Variants in FREM3 observed in about 807,000 individuals in gnomAD.
FREM3 encodes the protein FRAS1-related extracellular matrix protein 3.
In FREM3, 105 loss-of-function variants were observed where a neutral mutation model predicts 129.1. The observed-to-expected ratio is 0.81, with a 90% CI of 0.69 to 0.96. The LOEUF (loss-of-function observed/expected upper bound fraction) is 0.96. Among genes scored for constraint, FREM3 ranks in the 40% least tolerant of loss-of-function variants. The pLI is 0.00. For missense variants in FREM3, 2,593 were observed against 2,666.3 expected (o/e 0.97, Z 0.61); for synonymous variants, 1,014 against 1,044.9 (o/e 0.97, Z 0.57).
intron 6 of FREM3, among the ~76,000 whole-genome samples, chr4:143,589,436 T>C (rs1465304228): frequency 6.6e-6 from 1 of 152,162 alleles, no homozygotes; most frequent in Non-Finnish European, 1.5e-5. Flanking sequence ...AAGGAAGGGA[T>C]CCAGTTTCAG....
chr4:143,586,124 T>A (rs1411733131), intron 6 of FREM3, 131 bp from the exon 7 acceptor site: 6 of 855,648 alleles, frequency 7.0e-6, no homozygotes, highest in Non-Finnish European at 1.1e-5. Flanking sequence ...CTTGTTTTTT[T>A]ATATAGCTCA....
chr4:143,698,246 T>G lies in FREM3; in HGVS notation c.2430A>C (p.Ala810=). The G allele has an allele frequency of 6.5e-7, 1 of 1,537,506 alleles. No individual in the cohort carries two copies. ...TGAATGTGCCTGGCACGCTATTGCCTGCAGCATCTTCCACCTGGTAAGTAA... is the reference window on the plus strand; with the variant it reads ...TGAATGTGCCTGGCACGCTATTGCCGGCAGCATCTTCCACCTGGTAAGTAA... ...VQFTYQVEDA[A]GNSVPGTFTL... The change falls in exon 1 of 8, where the codon GCA becomes GCC. Residue 810 remains alanine (A), a synonymous_variant. Transcript: ENST00000329798.
intron 4 of FREM3, among the ~76,000 whole-genome samples, chr4:143,621,418 C>G (rs1292543442): frequency 6.6e-6 from 1 of 152,172 alleles, no homozygotes; most frequent in African/African-American, 2.4e-5. Flanking sequence ...AAAAATCTTG[C>G]AGCAATTTCA....
chr4:143,693,234 T>TTTGTGCC, intron 1 of FREM3, 32 bp from the exon 2 acceptor site: 3 of 1,170,220 alleles, frequency 2.6e-6, no homozygotes, highest in Non-Finnish European at 3.6e-6. Context: ...CACAAAGTCA[T>TTTGTGCC]ATTGGCACAA....
At chr4:143,592,445 A>C (rs191043177) in intron 6 of FREM3, among the ~76,000 whole-genome samples, 3 of 152,296 alleles carry the variant, frequency 2.0e-5, no homozygotes, top group South Asian at 4.1e-4. Context: ...CGTGGTGACA[A>C]AATCTCTCAG....
intron 6 of FREM3, among the ~76,000 whole-genome samples, chr4:143,600,919 A>G (rs1738560445): frequency 6.6e-6 from 1 of 150,760 alleles, no homozygotes; most frequent in Non-Finnish European, 1.5e-5. Context: ...ATCACTAGTC[A>G]CTTCATTCTG....
Position 143,700,194 on chromosome 4 carries a change from T to A in FREM3, c.482A>T (p.Asp161Val). The A allele has an allele frequency of 6.5e-7, 1 of 1,536,906 alleles. No individual in the cohort carries two copies. ...TLVLPFTLAV[D>V]LVFSQLELVT... ...CAGCTCCAGCTGGGAGAAGACCAAGTCCACCGCCAGCGTGAAGGGCAGCAC... is the reference window on the plus strand; with the variant it reads ...CAGCTCCAGCTGGGAGAAGACCAAGACCACCGCCAGCGTGAAGGGCAGCAC... Residue 161 changes from aspartate (D) to valine (V), a missense_variant, in exon 1 of 8, where the codon GAC becomes GTC. By Grantham distance (152) the Asp-to-Val change is radical (BLOSUM62 -3). Coordinates refer to ENST00000329798, the MANE Select transcript of FREM3 (RefSeq NM_001168235.2).
At chr4:143,610,785 A>G (rs1223741620) in intron 6 of FREM3, among the ~76,000 whole-genome samples, 1 of 152,082 alleles carries the variant, frequency 6.6e-6, no homozygotes, top group Non-Finnish European at 1.5e-5. Flanking sequence ...TTCTCTGGCT[A>G]AATTTCAGCT....
chr4:143,670,485 A>C (rs940681816), intron 2 of FREM3, among the ~76,000 whole-genome samples: 14 of 152,158 alleles, frequency 9.2e-5, no homozygotes, highest in African/African-American at 3.4e-4. Context: ...TTATATTTTA[A>C]ATTTATCTGT....
At chr4:143,581,750 C>G (rs901301121) in intron 7 of FREM3, among the ~76,000 whole-genome samples, 2 of 152,076 alleles carry the variant, frequency 1.3e-5, no homozygotes, top group African/African-American at 4.8e-5. Flanking sequence ...GCTCCTGGCT[C>G]AAGACCACAG....
chr4:143,676,505 C>T lies in FREM3; in HGVS notation c.5275+16608G>A, dbSNP rs540407461. Reference sequence around the variant, plus strand: ...ACAAGACAGGGATGCCCTCTCTCACCACTCCTATTCAACATAGTGTTGGAA... The same window carrying T: ...ACAAGACAGGGATGCCCTCTCTCACTACTCCTATTCAACATAGTGTTGGAA... On this transcript the variant is annotated intron_variant, in intron 2 of 7. Coordinates refer to ENST00000329798, the MANE Select transcript of FREM3 (RefSeq NM_001168235.2). Among the ~76,000 whole-genome samples, 463 of 152,280 alleles carry T rather than the reference C, an allele frequency of 3.0e-3. 2 individuals carry two copies. The highest frequency in any genetic ancestry group is 0.011 in the African/African-American group (444 of 41,552).
Position 143,698,283 on chromosome 4 carries a change from C to T in FREM3, c.2393G>A (p.Arg798Gln), listed in dbSNP as rs1207592102. Residue 798 changes from arginine to glutamine, a missense_variant, in exon 1 of 8, where the codon CGG becomes CAG. Transcript: ENST00000329798. ...CACCTGGTAAGTAAACTGCACAACC[C>T]GTGGTGCAATACCCAATTTCTGTGG... ...QPPQKLGIAPRVVQFTYQVED... is the reference protein window; with the variant it reads ...QPPQKLGIAPQVVQFTYQVED... 8.5e-6 allele frequency: 13 copies of T among 1,537,456 alleles called. No homozygotes were observed. The East Asian group carries it at 1.5e-4, about 17-fold the overall frequency.
At chr4:143,640,261 C>T (rs973869095) in intron 2 of FREM3, among the ~76,000 whole-genome samples, 1 of 152,190 alleles carries the variant, frequency 6.6e-6, no homozygotes, top group Admixed American at 6.5e-5. Flanking sequence ...GAGTCCCTAG[C>T]ACACAAGCAC....
chr4:143,609,636 T>TA (rs961484727), intron 6 of FREM3, among the ~76,000 whole-genome samples: 9 of 151,672 alleles, frequency 5.9e-5, no homozygotes, highest in Non-Finnish European at 8.8e-5. Context: ...GCCCTGTAAT[T>TA]AAAAAAAAAT....
Position 143,663,227 on chromosome 4 carries a change from G to T in FREM3, c.5275+29886C>A, listed in dbSNP as rs1399760950. ...GATTTTGCAGCAGCTGGTACCGGTT[G>T]TTCCTTTCCATGTTTAGTGCTTCCT... is the stretch of plus-strand genomic sequence containing the variant. On this transcript the variant is annotated intron_variant, in intron 2 of 7. Coordinates refer to ENST00000329798, the MANE Select transcript of FREM3 (RefSeq NM_001168235.2). Among the ~76,000 whole-genome samples, 4 of 152,224 alleles carry T rather than the reference G, an allele frequency of 2.6e-5. 1 individual carries two copies. In the South Asian group the frequency reaches 6.2e-4, roughly 24 times the overall value.
At chr4:143,648,737 T>G (rs1271023687) in intron 2 of FREM3, among the ~76,000 whole-genome samples, 1 of 152,196 alleles carries the variant, frequency 6.6e-6, no homozygotes, top group Non-Finnish European at 1.5e-5. Context: ...TTTTATAAAT[T>G]ACCCAGTCTT....
intron 6 of FREM3, among the ~76,000 whole-genome samples, chr4:143,594,034 A>G (rs1178492447): frequency 6.6e-6 from 1 of 152,220 alleles, no homozygotes; most frequent in Non-Finnish European, 1.5e-5. Flanking sequence ...AGCCATGTGC[A>G]GGATATAATC....
chr4:143,631,857 A>G (rs1278922612), intron 2 of FREM3, among the ~76,000 whole-genome samples: 2 of 152,108 alleles, frequency 1.3e-5, no homozygotes, highest in Admixed American at 6.6e-5. Flanking sequence ...CTTTAGTAAA[A>G]CGTACTGTTT....
intron 6 of FREM3, 98 bp from the exon 7 acceptor site, chr4:143,586,091 C>A: frequency 8.5e-7 from 1 of 1,174,272 alleles, no homozygotes; most frequent in South Asian, 1.5e-5. Context: ...TCATAATTGT[C>A]AGACATGACA....
Sources: allele counts gnomAD v4.1 joint callset (sites outside exome capture counted in the v4.1 genomes callset), GRCh38; gene constraint gnomAD v4.1.1; transcripts MANE v1.5; gene names NCBI Gene and HGNC (gene_info 2026-07-23, HGNC 2026-07-21).